The following SCGN variants were observed in gnomAD, a reference collection of about 807,000 sequenced individuals.
The protein encoded by SCGN is secretagogin.
In SCGN, 30 loss-of-function variants were observed where a neutral mutation model predicts 39.7. The ratio of observed to expected loss-of-function variants is 0.76; its 90% confidence interval spans 0.57 to 1.03. The LOEUF is 1.03. SCGN is among the 50% of genes least tolerant of loss of function. SCGN has a pLI of 0.00. For missense variants in SCGN, 353 were observed against 349.4 expected, an observed-to-expected ratio of 1.01 and a Z score of -0.08; for synonymous variants, 106 against 114.1, an observed-to-expected ratio of 0.93 and a Z score of 0.45.
intron 6 of SCGN, among the ~76,000 whole-genome samples, chr6:25,675,500 T>C (rs1230001445): frequency 2.6e-5 from 4 of 152,252 alleles, no homozygotes; most frequent in Non-Finnish European, 4.4e-5. Flanking sequence ...TTGTAAAGTG[T>C]ATATAAAAGT....
Position 25,691,077 on chromosome 6 carries a change from G to A in SCGN, c.655G>A (p.Gly219Ser), listed in dbSNP as rs766135212. The change falls in exon 10 of 11, where the codon GGC becomes AGC. Residue 219 changes from glycine to serine, a missense_variant. Physicochemically the swap from Gly to Ser is moderately conservative, Grantham distance 56 (BLOSUM62 0). Transcript: ENST00000377961. Reference protein sequence around the residue: ...YDVSKTGALEGPEVDGFVKDM... With the variant: ...YDVSKTGALESPEVDGFVKDM... ...TCAGAGTAAAACAGGAGCCCTGGAAGGCCCAGAAGTGGATGGGTTTGTCAA... is the reference window on the plus strand; with the variant it reads ...TCAGAGTAAAACAGGAGCCCTGGAAAGCCCAGAAGTGGATGGGTTTGTCAA... 1 of 1,613,806 alleles carries A rather than the reference G, an allele frequency of 6.2e-7. No homozygotes were observed. Among genetic ancestry groups the A allele is most frequent in the Non-Finnish European group, 8.5e-7 (1 of 1,179,776 alleles).
chr6:25,698,834 C>T (rs1182343290), intron 10 of SCGN, among the ~76,000 whole-genome samples: 2 of 152,190 alleles, frequency 1.3e-5, no homozygotes, highest in African/African-American at 4.8e-5. Flanking sequence ...CAGGCCTACT[C>T]TGGTGTTTAT....
chr6:25,686,035 A>C (rs1430125947), intron 7 of SCGN, among the ~76,000 whole-genome samples: 1 of 152,140 alleles, frequency 6.6e-6, no homozygotes, highest in African/African-American at 2.4e-5. Context: ...ACTTGGAGTA[A>C]TGTTTTCAAG....
intron 10 of SCGN, among the ~76,000 whole-genome samples, chr6:25,698,996 G>A (rs1249654951): frequency 6.6e-6 from 1 of 152,084 alleles, no homozygotes; most frequent in African/African-American, 2.4e-5. Flanking sequence ...GGCTAGTTAA[G>A]GAACAATTTT....
Position 25,671,099 on chromosome 6 carries a change from G to A in SCGN, c.471+1023G>A, listed in dbSNP as rs530685462. On this transcript the variant is annotated intron_variant, in intron 6 of 10. Transcript: ENST00000377961. ...GGTGAAGTCAGGGATACATATTACT[G>A]AGAAGAGTTTGTTAAAATGTGTACC... 9.2e-5 allele frequency among the ~76,000 whole-genome samples: 14 copies of A among 152,282 alleles called. 1 individual carries two copies. The South Asian group carries it at 2.9e-3, about 32-fold the overall frequency.
At position 25,652,356 on chromosome 6, in the gene SCGN, G is replaced by C; in HGVS notation, c.-48G>C. The C allele has an allele frequency of 1.3e-6, 2 of 1,490,000 alleles. No individual in the cohort carries two copies. The highest frequency in any genetic ancestry group is 1.9e-6 in the Non-Finnish European group (2 of 1,067,862). 92.3% of individuals were successfully genotyped at this position (1,490,000 alleles called of 1,614,324 possible). A position where few individuals can be genotyped will look rare whatever the true frequency, so the allele number is the denominator to read the frequency against. On this transcript the variant is annotated 5_prime_UTR_variant, in exon 1 of 11. Coordinates refer to ENST00000377961, the MANE Select transcript of SCGN (RefSeq NM_006998.4). ...ATACGGTGAAGGAGTCCTTCCCAAA[G>C]TTGTCTAGGTCCTTCCGCGCCGGTG...
At chr6:25,686,658 T>G (rs754603073) in intron 7 of SCGN, among the ~76,000 whole-genome samples, 3 of 152,096 alleles carry the variant, frequency 2.0e-5, no homozygotes, top group Non-Finnish European at 4.4e-5. Context: ...GTGTTTTCAT[T>G]TTCTTGATGA....
intron 3 of SCGN, among the ~76,000 whole-genome samples, chr6:25,664,588 T>C (rs1461725867): frequency 6.6e-6 from 1 of 152,212 alleles, no homozygotes; most frequent in African/African-American, 2.4e-5. Flanking sequence ...TCTGTTATTA[T>C]GGAATTAAAT....
intron 6 of SCGN, among the ~76,000 whole-genome samples, chr6:25,670,364 T>C (rs1195296775): frequency 6.6e-6 from 1 of 152,192 alleles, no homozygotes; most frequent in Non-Finnish European, 1.5e-5. Context: ...AACCTCAATG[T>C]TAATTGAAGT....
At chr6:25,679,759 C>T (rs571323640) in intron 6 of SCGN, among the ~76,000 whole-genome samples, 1 of 152,214 alleles carries the variant, frequency 6.6e-6, no homozygotes, top group Non-Finnish European at 1.5e-5. Context: ...ATTCAGGCCA[C>T]TGAATTGGAG....
At chr6:25,699,295 G>A (rs1759877449) in intron 10 of SCGN, among the ~76,000 whole-genome samples, 1 of 152,094 alleles carries the variant, frequency 6.6e-6, no homozygotes, top group Non-Finnish European at 1.5e-5. Context: ...CCCGTTAATA[G>A]TTTGAAAACG....
Position 25,669,501 on chromosome 6 carries a change from T to A in SCGN, c.337-10T>A. Reference sequence around the variant, plus strand: ...AGGATAAATTAATTAGTGACTTTTGTGTATTTCAGATTTGGCGCAAATATG... The same window carrying A: ...AGGATAAATTAATTAGTGACTTTTGAGTATTTCAGATTTGGCGCAAATATG... On this transcript the variant is annotated splice_polypyrimidine_tract_variant and intron_variant, in intron 4 of 10. Coordinates refer to ENST00000377961, the MANE Select transcript of SCGN (RefSeq NM_006998.4). 6.2e-7 allele frequency: 1 copy of A among 1,612,074 alleles called. No individual in the cohort carries two copies. The highest frequency in any genetic ancestry group is 8.5e-7 in the Non-Finnish European group (1 of 1,178,158).
intron 6 of SCGN, 114 bp downstream of exon 6, chr6:25,670,190 T>C: frequency 2.6e-6 from 2 of 774,768 alleles, no homozygotes; most frequent in Non-Finnish European, 4.6e-6. Flanking sequence ...ACTAAATGAA[T>C]GCAAGAGGAA....
chr6:25,682,153 T>C (rs536012601), intron 7 of SCGN, 147 bp downstream of exon 7: 169 of 630,146 alleles, frequency 2.7e-4, no homozygotes, highest in Non-Finnish European at 4.2e-4. Flanking sequence ...TGAGTGATTC[T>C]AAATCTTTTA....
At chr6:25,652,935 C>T (rs1394450047) in intron 1 of SCGN, among the ~76,000 whole-genome samples, 1 of 151,966 alleles carries the variant, frequency 6.6e-6, no homozygotes, top group Non-Finnish European at 1.5e-5. Context: ...AACGACTCCT[C>T]CACCAAAAAA....
At chr6:25,662,818 C>T (rs1319861504) in intron 3 of SCGN, among the ~76,000 whole-genome samples, 1 of 152,144 alleles carries the variant, frequency 6.6e-6, no homozygotes, top group Non-Finnish European at 1.5e-5. Context: ...ATCAACAGAA[C>T]AGTAAATGCA....
chr6:25,666,261 G>A (rs1190012006), intron 4 of SCGN, among the ~76,000 whole-genome samples: 1 of 151,840 alleles, frequency 6.6e-6, no homozygotes, highest in Non-Finnish European at 1.5e-5. Context: ...GAGGCGTAGG[G>A]TGGAGAATCA....
Position 25,665,050 on chromosome 6 carries a change from T to C in SCGN, c.336+18T>C. On this transcript the variant is annotated intron_variant, in intron 4 of 10. Transcript: ENST00000377961. ...TTATGCAGGTGAGTGCTTGGTTGTG[T>C]CTCTGTGAAGAAAGAGGACTGAGAC... 1 of 1,596,402 alleles carries C rather than the reference T, an allele frequency of 6.3e-7. No homozygotes were observed. Among genetic ancestry groups the C allele is most frequent in the South Asian group, 1.1e-5 (1 of 90,516 alleles).
chr6:25,657,654 T>TAA (rs1491580150), intron 2 of SCGN, among the ~76,000 whole-genome samples: 2 of 148,446 alleles, frequency 1.3e-5, no homozygotes, highest in African/African-American at 4.9e-5. Context: ...TTTAAGATTT[T>TAA]ATATATATAT....
Sources: allele counts gnomAD v4.1 joint callset (sites outside exome capture counted in the v4.1 genomes callset), GRCh38; gene constraint gnomAD v4.1.1; transcripts MANE v1.5; gene names NCBI Gene and HGNC (gene_info 2026-07-23, HGNC 2026-07-21).